USO1: variants seen among roughly 807,000 people sequenced by gnomAD.
USO1 encodes the protein USO1 vesicle transport factor.
USO1 carries 57 observed loss-of-function variants against 124.5 expected under a neutral mutation model. That is an observed-to-expected ratio of 0.46 (90% confidence interval 0.37 to 0.57). USO1 has a LOEUF of 0.57. Ranked by LOEUF, USO1 falls within the 20% of genes least tolerant of loss-of-function variation. The probability of loss-of-function intolerance (pLI) is 0.00; values close to 1 mark genes in which losing one functional copy is unlikely to be tolerated. For missense variants in USO1, 900 were observed against 1,040.6 expected (o/e 0.86, Z 1.86); for synonymous variants, 369 against 362.8 (o/e 1.02, Z -0.19).
intron 1 of USO1, among the ~76,000 whole-genome samples, chr4:75,725,453 C>T (rs576692881): frequency 6.5e-4 from 99 of 152,144 alleles, no homozygotes; most frequent in Non-Finnish European, 1.2e-3. Context: ...GTCGTTCTGC[C>T]TGGTGTTATT....
intron 7 of USO1, among the ~76,000 whole-genome samples, 183 bp downstream of exon 7, chr4:75,771,320 G>A (rs1222940244): frequency 2.0e-5 from 3 of 152,084 alleles, no homozygotes; most frequent in Non-Finnish European, 4.4e-5. Flanking sequence ...GGTTGGTCTT[G>A]AATTTCTGGG....
At chr4:75,789,973 A>G (rs1306126123) in intron 10 of USO1, among the ~76,000 whole-genome samples, 177 bp from the exon 11 acceptor site, 1 of 151,958 alleles carries the variant, frequency 6.6e-6, no homozygotes, top group African/African-American at 2.4e-5. Flanking sequence ...AGTGGGATAT[A>G]AGATTTTTTT....
intron 20 of USO1, among the ~76,000 whole-genome samples, chr4:75,808,596 G>A (rs1723056150): frequency 6.6e-6 from 1 of 151,904 alleles, no homozygotes; most frequent in African/African-American, 2.4e-5. Flanking sequence ...TGCTGATTTA[G>A]TTATCACTGT....
chr4:75,751,025 A>G (rs902326861), intron 1 of USO1, among the ~76,000 whole-genome samples: 4 of 151,898 alleles, frequency 2.6e-5, no homozygotes, highest in Non-Finnish European at 5.9e-5. Flanking sequence ...ATCAGTAGTT[A>G]ATTCTTTTGA....
intron 9 of USO1, among the ~76,000 whole-genome samples, chr4:75,783,965 T>C (rs1655129916): frequency 6.6e-6 from 1 of 152,244 alleles, no homozygotes; most frequent in Non-Finnish European, 1.5e-5. Flanking sequence ...TTTTAATGTT[T>C]TAGAAACAGT....
intron 23 of USO1, 100 bp from the exon 24 acceptor site, chr4:75,813,106 C>G (rs1161821155): frequency 1.6e-6 from 2 of 1,258,548 alleles, no homozygotes; most frequent in Admixed American, 3.4e-5. Context: ...AGCAAAACTC[C>G]ATCTCAGAAA....
chr4:75,769,738 A>AAC (rs1560447244), intron 4 of USO1, among the ~76,000 whole-genome samples: 1 of 118,938 alleles, frequency 8.4e-6, no homozygotes. Context: ...ATTTTTAGTG[A>AAC]TCTTTTTTTT....
chr4:75,743,806 T>G (rs1721035427), intron 1 of USO1, among the ~76,000 whole-genome samples: 1 of 152,142 alleles, frequency 6.6e-6, no homozygotes, highest in African/African-American at 2.4e-5. Flanking sequence ...AGACAGAGTC[T>G]CGCTCTGTCA....
chr4:75,741,539 AT>A (rs1231842960), intron 1 of USO1, among the ~76,000 whole-genome samples: 2 of 130,658 alleles, frequency 1.5e-5, no homozygotes, highest in Admixed American at 1.6e-4. Flanking sequence ...ATTGTACGAT[AT>A]TTTTCTTCTA....
At chr4:75,746,767 A>C (rs528838602) in intron 1 of USO1, among the ~76,000 whole-genome samples, 1 of 152,318 alleles carries the variant, frequency 6.6e-6, no homozygotes, top group South Asian at 2.1e-4. Context: ...CCGTGTTCTC[A>C]ATCTTGATTT....
intron 8 of USO1, among the ~76,000 whole-genome samples, chr4:75,782,022 A>G (rs1054362347): frequency 6.6e-6 from 1 of 152,206 alleles, no homozygotes; most frequent in Non-Finnish European, 1.5e-5. Flanking sequence ...ACAAAGAAGA[A>G]AAAGGATAAA....
chr4:75,798,950 T>C (rs1259254862), intron 13 of USO1, among the ~76,000 whole-genome samples: 2 of 152,310 alleles, frequency 1.3e-5, no homozygotes, highest in African/African-American at 4.8e-5. Context: ...TTTTGAAAAC[T>C]AATTTTGCTG....
At chr4:75,756,449 A>G (rs1260765135) in intron 3 of USO1, among the ~76,000 whole-genome samples, 2 of 152,046 alleles carry the variant, frequency 1.3e-5, no homozygotes, top group African/African-American at 4.8e-5. Flanking sequence ...TTAACATCTC[A>G]ATATGGAAAA....
chr4:75,772,835 A>G lies in USO1; in HGVS notation c.555+1698A>G, dbSNP rs550195502. 1.5e-4 allele frequency among the ~76,000 whole-genome samples: 23 copies of G among 152,252 alleles called. 1 individual carries two copies. The South Asian group carries it at 4.4e-3, about 29-fold the overall frequency. ...CATTAGGCCAGGCGTGGTGGCTTAT[A>G]TCTGTAATCCCAGCACTTTGGAAGG... On this transcript the variant is annotated intron_variant, in intron 7 of 23. Transcript: ENST00000514213.
intron 8 of USO1, among the ~76,000 whole-genome samples, chr4:75,778,832 A>G (rs1302384302): frequency 6.6e-6 from 1 of 152,210 alleles, no homozygotes; most frequent in Non-Finnish European, 1.5e-5. Context: ...AATGTACCAC[A>G]TTAATGCAAT....
intron 4 of USO1, among the ~76,000 whole-genome samples, chr4:75,763,071 A>T (rs1349301991): frequency 3.3e-5 from 5 of 152,250 alleles, no homozygotes; most frequent in African/African-American, 1.2e-4. Context: ...TCTTCATAAT[A>T]TAGATTGTGA....
chr4:75,749,821 C>T (rs1470904511), intron 1 of USO1, among the ~76,000 whole-genome samples: 1 of 150,588 alleles, frequency 6.6e-6, no homozygotes, highest in Non-Finnish European at 1.5e-5. Context: ...GGTGCGATCT[C>T]GGCTCACTGC....
intron 1 of USO1, among the ~76,000 whole-genome samples, chr4:75,727,825 T>C (rs533967155): frequency 5.9e-5 from 9 of 152,232 alleles, no homozygotes; most frequent in Non-Finnish European, 1.2e-4. Context: ...AGACCTGTTA[T>C]TTAAATTCAT....
rs779399473 is a variant in USO1, at chr4:75,810,525, A to G, written c.2569A>G (p.Thr857Ala). Residue 857 changes from threonine to alanine, a missense_variant, in exon 22 of 24, where the codon ACC (threonine) becomes GCC (alanine). This residue lies in a region of USO1 where 362 missense variants were observed against 359.0 expected (regional missense o/e 1.01). Transcript: ENST00000514213. ...AAGACTGTCAGCATTATTACAAGAG[A>G]CCAAAGAGTTAAAGGTTTGTTTTTG... ...EGRLSALLQETKELKNEIKAL... is the reference protein window; with the variant it reads ...EGRLSALLQEAKELKNEIKAL... The G allele has an allele frequency of 1.9e-6, 3 of 1,611,340 alleles. No homozygotes were observed. The highest frequency in any genetic ancestry group is 2.5e-6 in the Non-Finnish European group (3 of 1,178,980).
Sources: gnomAD v4.1 joint callset for allele counts (sites outside exome capture counted in the v4.1 genomes callset) on GRCh38, gnomAD v4.1.1 for gene constraint, gnomAD v4.1.1 regional missense constraint, MANE v1.5 for transcripts, NCBI Gene and HGNC (gene_info 2026-07-23, HGNC 2026-07-21) for gene names.